Variants in STK33 observed in about 807,000 individuals in gnomAD.
STK33 encodes serine/threonine-protein kinase 33.
Under a neutral mutation model 58.0 loss-of-function variants are expected in STK33, and 52 were observed. The ratio of observed to expected loss-of-function variants is 0.90; its 90% CI spans 0.72 to 1.13. The LOEUF is 1.13. Among genes scored for constraint, STK33 ranks in the 50% most tolerant of loss-of-function variants. STK33 has a pLI of 0.00. For synonymous variants in STK33, 215 were observed against 200.1 expected, an observed-to-expected ratio of 1.07 and a Z score of -0.63; for missense variants, 630 against 604.2, an observed-to-expected ratio of 1.04 and a Z score of -0.45.
chr11:8,430,482 T>C (rs983755512), intron 14 of STK33, among the ~76,000 whole-genome samples: 2 of 151,840 alleles, frequency 1.3e-5, no homozygotes, highest in Admixed American at 6.6e-5. Context: ...CTAACACTAA[T>C]GACAGCTGAA....
chr11:8,423,660 A>C lies in STK33; in HGVS notation c.1147-9968T>G, dbSNP rs1280247319. ...CAAGACCAATTTTGGTAAATATTCCACATGTGCTTGAGAACATGTACATTC... is the reference window on the plus strand; with the variant it reads ...CAAGACCAATTTTGGTAAATATTCCCCATGTGCTTGAGAACATGTACATTC... On this transcript the variant is annotated intron_variant, in intron 14 of 15. Coordinates refer to ENST00000687296, the MANE Select transcript of STK33 (RefSeq NM_001352389.2). Among the ~76,000 whole-genome samples the C allele has an allele frequency of 2.0e-5, 3 of 152,096 alleles. No individual in the cohort carries two copies. In the East Asian group the frequency reaches 5.8e-4, roughly 29 times the overall value.
chr11:8,382,238 G>A, the STK33 span, among the ~76,000 whole-genome samples: 11 of 152,238 alleles, frequency 7.2e-5, no homozygotes, highest in African/African-American at 2.2e-4. Context: ...TGGGCCTGGC[G>A]CTCATCACAC....
intron 1 of STK33, among the ~76,000 whole-genome samples, chr11:8,536,858 TG>T (rs1261326880): frequency 1.1e-4 from 16 of 141,482 alleles, no homozygotes; most frequent in African/African-American, 4.2e-4. Flanking sequence ...CATAGCTCAC[TG>T]CAACCTTGAG....
At chr11:8,541,302 C>T (rs7951468) in intron 1 of STK33, among the ~76,000 whole-genome samples, 3,188 of 152,144 alleles carry the variant, frequency 0.021, 119 homozygotes, top group African/African-American at 0.074. Flanking sequence ...AAATAGTTCT[C>T]AGTTTCGTGA....
intron 14 of STK33, among the ~76,000 whole-genome samples, chr11:8,432,104 G>C (rs1294591912): frequency 6.6e-6 from 1 of 152,182 alleles, no homozygotes; most frequent in Non-Finnish European, 1.5e-5. Context: ...GCACACGTGC[G>C]TGTACACACA....
intron 1 of STK33, among the ~76,000 whole-genome samples, chr11:8,506,588 A>G (rs1951879239): frequency 6.6e-6 from 1 of 151,462 alleles, no homozygotes; most frequent in South Asian, 2.1e-4. Context: ...GACTCGTGTG[A>G]TTAGATTGGG....
chr11:8,574,698 C>T (rs147706490), intron 1 of STK33, among the ~76,000 whole-genome samples: 1 of 152,006 alleles, frequency 6.6e-6, no homozygotes, highest in African/African-American at 2.4e-5. Flanking sequence ...AACCTAGAAG[C>T]AAAAATTCTT....
intron 1 of STK33, among the ~76,000 whole-genome samples, chr11:8,547,833 T>TA (rs1170306672): frequency 1.3e-5 from 2 of 152,010 alleles, no homozygotes; most frequent in Non-Finnish European, 2.9e-5. Flanking sequence ...TATGCAGCCA[T>TA]AAAAAAGGAT....
chr11:8,414,374 C>A (rs531582514), intron 14 of STK33, among the ~76,000 whole-genome samples: 2 of 152,132 alleles, frequency 1.3e-5, no homozygotes, highest in South Asian at 4.1e-4. Flanking sequence ...TCAAATAGCT[C>A]CTGCTTGATT....
intron 15 of STK33, among the ~76,000 whole-genome samples, chr11:8,404,677 C>T (rs981850656): frequency 6.6e-6 from 1 of 152,140 alleles, no homozygotes; most frequent in African/African-American, 2.4e-5. Context: ...CCAAGTAATG[C>T]TCCATTGTAT....
At chr11:8,430,636 T>C (rs149130301) in intron 14 of STK33, among the ~76,000 whole-genome samples, 1 of 152,322 alleles carries the variant, frequency 6.6e-6, no homozygotes, top group African/African-American at 2.4e-5. Context: ...GTTGTTGTAG[T>C]ACATTTACAT....
intron 1 of STK33, among the ~76,000 whole-genome samples, chr11:8,554,475 TACAA>T (rs1565351678): frequency 7.0e-6 from 1 of 142,830 alleles, no homozygotes; most frequent in East Asian, 2.1e-4. Context: ...TACAAAGACA[TACAA>T]ACAGCCAGCT....
intron 1 of STK33, among the ~76,000 whole-genome samples, chr11:8,495,388 C>T (rs1369563434): frequency 6.6e-6 from 1 of 152,002 alleles, no homozygotes; most frequent in African/African-American, 2.4e-5. Context: ...CAAATCAAAA[C>T]CACAATGAGA....
chr11:8,554,115 C>T (rs1956558643), intron 1 of STK33, among the ~76,000 whole-genome samples: 1 of 151,830 alleles, frequency 6.6e-6, no homozygotes. Context: ...AAACAAATAA[C>T]CTGATCAAAA....
At chr11:8,446,901 G>T (rs192114441) in intron 11 of STK33, among the ~76,000 whole-genome samples, 2 of 152,148 alleles carry the variant, frequency 1.3e-5, no homozygotes, top group Non-Finnish European at 2.9e-5. Flanking sequence ...TCAGGATATA[G>T]GCATGGGCAA....
intron 1 of STK33, among the ~76,000 whole-genome samples, chr11:8,582,515 C>A (rs1055164624): frequency 6.6e-6 from 1 of 152,104 alleles, no homozygotes; most frequent in African/African-American, 2.4e-5. Flanking sequence ...AGGGGAAGAG[C>A]CACTTATGAA....
At chr11:8,415,909 T>C (rs1367236689) in intron 14 of STK33, among the ~76,000 whole-genome samples, 2 of 152,108 alleles carry the variant, frequency 1.3e-5, no homozygotes, top group Non-Finnish European at 2.9e-5. Context: ...TAAATTTCAG[T>C]CAACATGGTA....
chr11:8,563,098 G>A (rs1347366472), intron 1 of STK33, among the ~76,000 whole-genome samples: 5 of 152,100 alleles, frequency 3.3e-5, no homozygotes, highest in Admixed American at 1.3e-4. Flanking sequence ...CACTTAAGTC[G>A]CCTCCCATAG....
intron 1 of STK33, among the ~76,000 whole-genome samples, chr11:8,520,190 T>C (rs1407690886): frequency 6.6e-6 from 1 of 152,222 alleles, no homozygotes; most frequent in Non-Finnish European, 1.5e-5. Flanking sequence ...TGGTTCAACA[T>C]ATGCAAATCA....
Sources: gnomAD v4.1 joint callset for allele counts (sites outside exome capture counted in the v4.1 genomes callset) on GRCh38, gnomAD v4.1.1 for gene constraint, MANE v1.5 for transcripts, NCBI Gene and HGNC (gene_info 2026-07-23, HGNC 2026-07-21) for gene names.